The following SYT10 variants were observed in gnomAD, a reference collection of about 807,000 sequenced individuals.
SYT10 encodes the protein synaptotagmin 10, also known as synaptotagmin-10.
SYT10 carries 31 observed loss-of-function variants against 51.1 expected under a neutral mutation model. That is an observed-to-expected ratio of 0.61 (90% CI 0.46 to 0.82). The LOEUF is 0.82. Ranked by LOEUF, SYT10 falls within the 40% of genes least tolerant of loss-of-function variation. The pLI is 0.00. For synonymous variants in SYT10, 233 were observed against 225.9 expected (o/e 1.03, Z -0.28); for missense variants, 603 against 634.0 (o/e 0.95, Z 0.53).
Position 33,376,529 on chromosome 12 carries a change from T to A in SYT10, c.*301A>T. 2.7e-6 allele frequency: 1 copy of A among 366,210 alleles called. No homozygotes were observed. The highest frequency in any genetic ancestry group is 5.0e-6 in the Non-Finnish European group (1 of 198,122). The allele number at this position is 366,210 out of a possible 1,614,324, so 22.7% of individuals were successfully genotyped here. A position where few individuals can be genotyped will look rare whatever the true frequency, so the allele number is the denominator to read the frequency against. On this transcript the variant is annotated 3_prime_UTR_variant, in exon 7 of 7. Coordinates refer to ENST00000228567, the MANE Select transcript of SYT10 (RefSeq NM_198992.4). ...TATTTAATTTTAGGTAAGTATGAAC[T>A]GTTTAAAAAAACATTTCATATGCAA...
At chr12:33,419,377 T>G (rs570980588) in intron 2 of SYT10, among the ~76,000 whole-genome samples, 1 of 152,242 alleles carries the variant, frequency 6.6e-6, no homozygotes, top group South Asian at 2.1e-4. Context: ...AAAGAAAATA[T>G]TTTCTCTGAA....
intron 3 of SYT10, among the ~76,000 whole-genome samples, chr12:33,393,153 C>T (rs1866225037): frequency 6.6e-6 from 1 of 152,076 alleles, no homozygotes; most frequent in Admixed American, 6.5e-5. Context: ...ACAATCCTTC[C>T]TTGATTTAAC....
At chr12:33,438,394 G>C (rs184423773) in intron 1 of SYT10, among the ~76,000 whole-genome samples, 65 of 152,312 alleles carry the variant, frequency 4.3e-4, no homozygotes, top group Non-Finnish European at 5.9e-5. Flanking sequence ...AGCGGCTCTT[G>C]AAACCACGCA....
intron 1 of SYT10, among the ~76,000 whole-genome samples, chr12:33,427,392 A>C (rs1866562026): frequency 6.6e-6 from 1 of 152,090 alleles, no homozygotes; most frequent in African/African-American, 2.4e-5. Flanking sequence ...AGAAGCAGAA[A>C]ATTTTTGTTT....
At chr12:33,407,385 A>C in intron 2 of SYT10, 29 bp from the exon 3 acceptor site, 1 of 1,587,348 alleles carries the variant, frequency 6.3e-7, no homozygotes, top group Non-Finnish European at 8.5e-7. Context: ...ACACAAAATC[A>C]TTGAGGGAGA....
At chr12:33,404,574 G>A (rs1293331470) in intron 3 of SYT10, among the ~76,000 whole-genome samples, 1 of 151,960 alleles carries the variant, frequency 6.6e-6, no homozygotes, top group Non-Finnish European at 1.5e-5. Context: ...TGTATTTTTA[G>A]TAGAGATGGG....
intron 5 of SYT10, among the ~76,000 whole-genome samples, chr12:33,382,052 G>A (rs10844570): frequency 0.29 from 44,290 of 151,930 alleles, 7,468 homozygotes; most frequent in African/African-American, 0.45. Flanking sequence ...TCTGTTGATT[G>A]TAATCTCTGT....
chr12:33,395,592 A>G (rs527261305), intron 3 of SYT10, among the ~76,000 whole-genome samples: 1 of 152,314 alleles, frequency 6.6e-6, no homozygotes, highest in South Asian at 2.1e-4. Flanking sequence ...TGTTAATTCC[A>G]TCCAAAAGAG....
At chr12:33,428,994 G>C (rs1452768573) in intron 1 of SYT10, among the ~76,000 whole-genome samples, 1 of 152,154 alleles carries the variant, frequency 6.6e-6, no homozygotes, top group Admixed American at 6.6e-5. Context: ...TAGGGAAGGA[G>C]GAGAGAGGGA....
Position 33,382,471 on chromosome 12 carries a change from C to T in SYT10, c.1248G>A (p.Lys416=). 6.2e-7 allele frequency: 1 copy of T among 1,613,068 alleles called. No homozygotes were observed. Among genetic ancestry groups the T allele is most frequent in the East Asian group, 2.2e-5 (1 of 44,824 alleles). The change falls in exon 5 of 7, where the codon AAG becomes AAA. Residue 416 remains lysine (K), a synonymous_variant. Coordinates refer to ENST00000228567, the MANE Select transcript of SYT10 (RefSeq NM_198992.4). ...TGTTTTTCTTTGTAGTTGTTTTCCT[C>T]TTTTTTAATCTTCGACCTTCACACA... ...SLMCEGRRLK[K]RKTTTKKNTL... is the part of the protein sequence containing the mutation.
intron 3 of SYT10, among the ~76,000 whole-genome samples, chr12:33,396,560 C>T (rs1281578462): frequency 6.6e-6 from 1 of 152,004 alleles, no homozygotes; most frequent in Admixed American, 6.6e-5. Context: ...TGTTTTGGAA[C>T]CTATAAAATT....
intron 1 of SYT10, among the ~76,000 whole-genome samples, chr12:33,436,168 A>G (rs1182925234): frequency 6.6e-6 from 1 of 152,194 alleles, no homozygotes. Flanking sequence ...GCAATTAAGG[A>G]GTAATCAGAA....
intron 1 of SYT10, among the ~76,000 whole-genome samples, chr12:33,435,252 T>C (rs1192859895): frequency 6.6e-6 from 1 of 152,200 alleles, no homozygotes; most frequent in Non-Finnish European, 1.5e-5. Context: ...AGCTTTTAAT[T>C]TGTCACAAAG....
intron 3 of SYT10, among the ~76,000 whole-genome samples, chr12:33,389,324 C>A (rs989431106): frequency 2.0e-5 from 3 of 152,018 alleles, no homozygotes; most frequent in African/African-American, 7.2e-5. Context: ...GTTCTATTCC[C>A]AAGCACATGG....
At chr12:33,393,013 A>AAAAAT (rs1446895607) in intron 3 of SYT10, among the ~76,000 whole-genome samples, 9 of 146,314 alleles carry the variant, frequency 6.2e-5, no homozygotes, top group Admixed American at 3.4e-4. Flanking sequence ...AAAAAAAAAA[A>AAAAAT]ATTGCAAAAA....
chr12:33,379,983 A>G, intron 5 of SYT10, 22 bp from the exon 6 acceptor site: 2 of 1,578,034 alleles, frequency 1.3e-6, no homozygotes, highest in Non-Finnish European at 8.6e-7. Flanking sequence ...GGGATATTAT[A>G]TTTTCATTTC....
intron 2 of SYT10, among the ~76,000 whole-genome samples, chr12:33,419,739 A>G (rs1473041006): frequency 1.3e-5 from 2 of 152,198 alleles, no homozygotes; most frequent in African/African-American, 2.4e-5. Context: ...GATCTAGCAT[A>G]TATTTAAATG....
chr12:33,397,467 T>C (rs1044728858), intron 3 of SYT10, among the ~76,000 whole-genome samples: 32 of 152,202 alleles, frequency 2.1e-4, no homozygotes, highest in Non-Finnish European at 4.1e-4. Flanking sequence ...GAGGTTTTCT[T>C]GCAGGGGAAG....
At chr12:33,382,558 A>G (rs768170389) in intron 4 of SYT10, 38 bp from the exon 5 acceptor site, 2 of 1,541,830 alleles carry the variant, frequency 1.3e-6, no homozygotes, top group Admixed American at 4.1e-5. Flanking sequence ...AATAAAAGTA[A>G]TAGTACAAAG....
Sources: gnomAD v4.1 joint callset for allele counts (sites outside exome capture counted in the v4.1 genomes callset) on GRCh38, gnomAD v4.1.1 for gene constraint, MANE v1.5 for transcripts, NCBI Gene and HGNC (gene_info 2026-07-23, HGNC 2026-07-21) for gene names.